CRACDL: variants seen among roughly 807,000 people sequenced by gnomAD.
The protein encoded by CRACDL is CRACD-like protein.
In CRACDL, 26 loss-of-function variants were observed where a neutral mutation model predicts 70.6. The observed-to-expected ratio is 0.37, with a 90% CI of 0.27 to 0.51. The LOEUF is 0.51. Ranked by LOEUF, CRACDL falls within the 20% of genes least tolerant of loss-of-function variation. The pLI, the probability that CRACDL is intolerant of heterozygous loss-of-function variation, is 0.94. For missense variants in CRACDL, 1,283 were observed against 1,376.9 expected, an observed-to-expected ratio of 0.93 and a Z score of 1.08; for synonymous variants, 618 against 615.2, an observed-to-expected ratio of 1.00 and a Z score of -0.07.
chr2:98,881,274 G>T (rs1258290870), intron 1 of CRACDL, among the ~76,000 whole-genome samples: 1 of 152,162 alleles, frequency 6.6e-6, no homozygotes, highest in East Asian at 1.9e-4. Context: ...GCAGCCTGGG[G>T]CCCAGCGGCC....
rs577038745 is a variant in CRACDL at position 98,843,064 on chromosome 2, T to C, written c.70+3667A>G. Among the ~76,000 whole-genome samples the C allele has an allele frequency of 1.5e-4, 23 of 152,254 alleles. 1 individual carries two copies. In the South Asian group the frequency reaches 4.8e-3, roughly 32 times the overall value. ...TTCAATGCATCCTTATCAGCTCCTG[T>C]TGTTATGGTGGTTTTCTCCAGACGT... On this transcript the variant is annotated intron_variant, in intron 2 of 9. Coordinates refer to ENST00000397899, the MANE Select transcript of CRACDL (RefSeq NM_207362.3).
At chr2:98,898,824 A>G (rs770447963) in intron 1 of CRACDL, among the ~76,000 whole-genome samples, 7 of 152,260 alleles carry the variant, frequency 4.6e-5, no homozygotes, top group Non-Finnish European at 7.3e-5. Context: ...TCTCATGCCT[A>G]GAATAGCAAG....
intron 5 of CRACDL, among the ~76,000 whole-genome samples, chr2:98,830,347 G>A (rs1034041062): frequency 6.6e-6 from 1 of 152,106 alleles, no homozygotes; most frequent in Non-Finnish European, 1.5e-5. Flanking sequence ...TAATCTTAAA[G>A]TTTTCTGTCT....
intron 7 of CRACDL, among the ~76,000 whole-genome samples, chr2:98,806,778 C>T (rs1368298464): frequency 6.6e-6 from 1 of 152,226 alleles, no homozygotes; most frequent in African/African-American, 2.4e-5. Flanking sequence ...ATTCTACTTA[C>T]ACTTTGAAAT....
chr2:98,902,875 C>T (rs563743179), intron 1 of CRACDL, among the ~76,000 whole-genome samples: 3 of 152,112 alleles, frequency 2.0e-5, no homozygotes, highest in African/African-American at 7.2e-5. Flanking sequence ...AGAAAACATG[C>T]CCCCACATTT....
chr2:98,931,629 C>A (rs1408770285), intron 1 of CRACDL, among the ~76,000 whole-genome samples: 4 of 152,198 alleles, frequency 2.6e-5, no homozygotes, highest in African/African-American at 9.6e-5. Flanking sequence ...ACACCACAGC[C>A]AGGAGAAGGC....
At chr2:98,828,697 G>A (rs1325500497) in intron 5 of CRACDL, among the ~76,000 whole-genome samples, 2 of 152,206 alleles carry the variant, frequency 1.3e-5, no homozygotes, top group Non-Finnish European at 2.9e-5. Flanking sequence ...ACAAGGAGGA[G>A]ATAATTACTA....
intron 1 of CRACDL, among the ~76,000 whole-genome samples, chr2:98,851,583 G>A (rs1426297395): frequency 6.6e-6 from 1 of 152,042 alleles, no homozygotes; most frequent in Non-Finnish European, 1.5e-5. Context: ...CCATAGCAGG[G>A]TTCTGCCATC....
Position 98,833,032 on chromosome 2 carries a change from C to T in CRACDL, c.240-35G>A, listed in dbSNP as rs769042037. 9.5e-6 allele frequency: 15 copies of T among 1,583,308 alleles called. No homozygotes were observed. In the South Asian group the frequency reaches 1.4e-4, roughly 14 times the overall value. ...AAGAGCCACTGTGAGACTCTGCCCA[C>T]CTCCATCTTACTGACCCCTGGGGGG... On this transcript the variant is annotated intron_variant, in intron 3 of 9. Transcript: ENST00000397899.
chr2:98,922,579 C>T (rs564046621), intron 1 of CRACDL, among the ~76,000 whole-genome samples: 29 of 152,344 alleles, frequency 1.9e-4, no homozygotes, highest in African/African-American at 5.3e-4. Context: ...CCATGAGCAG[C>T]GCAGGATGCC....
chr2:98,874,509 C>T (rs766250143), intron 1 of CRACDL, among the ~76,000 whole-genome samples: 39 of 152,202 alleles, frequency 2.6e-4, no homozygotes, highest in African/African-American at 8.0e-4. Context: ...AGTCTCCCTC[C>T]GCATGCCTGG....
chr2:98,895,332 G>A (rs1573161530), intron 1 of CRACDL, among the ~76,000 whole-genome samples: 1 of 152,306 alleles, frequency 6.6e-6, no homozygotes, highest in South Asian at 2.1e-4. Context: ...TGGGATAGAA[G>A]GATTGGTGGT....
rs147896592 is a variant in CRACDL, at chr2:98,922,107, A to T, written c.-11+13831T>A. ...TCTTTCTTTTCTTTTCTTTTTGAAG[A>T]AGGCATCACAGCTCAGTGTTTATCT... On this transcript the variant is annotated intron_variant, in intron 1 of 9. Coordinates refer to ENST00000397899, the MANE Select transcript of CRACDL (RefSeq NM_207362.3). Among the ~76,000 whole-genome samples, 883 of 152,220 alleles carry T rather than the reference A, an allele frequency of 5.8e-3. 8 individuals carry two copies. The highest frequency in any genetic ancestry group is 7.2e-3 in the Non-Finnish European group (489 of 68,028).
At chr2:98,878,958 A>T (rs1191115981) in intron 1 of CRACDL, among the ~76,000 whole-genome samples, 1 of 152,176 alleles carries the variant, frequency 6.6e-6, no homozygotes, top group Admixed American at 6.5e-5. Flanking sequence ...CAGAAAAATG[A>T]ATGCTATGAC....
At chr2:98,839,696 T>G (rs1418454178) in intron 2 of CRACDL, among the ~76,000 whole-genome samples, 2 of 152,260 alleles carry the variant, frequency 1.3e-5, no homozygotes, top group African/African-American at 4.8e-5. Flanking sequence ...TCGATTTCTT[T>G]AATGGTGACA....
intron 2 of CRACDL, among the ~76,000 whole-genome samples, 173 bp from the exon 3 acceptor site, chr2:98,838,460 T>A (rs1648432011): frequency 6.6e-6 from 1 of 152,210 alleles, no homozygotes; most frequent in African/African-American, 2.4e-5. Context: ...CAGTTTTGCA[T>A]ACCTGAAAAC....
chr2:98,884,699 G>C (rs1707756904), intron 1 of CRACDL, among the ~76,000 whole-genome samples: 1 of 152,214 alleles, frequency 6.6e-6, no homozygotes, highest in Admixed American at 6.5e-5. Flanking sequence ...GGACCCCAGA[G>C]TGTTCCCTCA....
intron 7 of CRACDL, among the ~76,000 whole-genome samples, chr2:98,806,361 A>G (rs1704291963): frequency 6.6e-6 from 1 of 152,246 alleles, no homozygotes; most frequent in African/African-American, 2.4e-5. Flanking sequence ...AGCCATGTGT[A>G]TTGGGGGCAC....
chr2:98,896,815 T>C (rs1258499292), intron 1 of CRACDL, among the ~76,000 whole-genome samples: 1 of 152,160 alleles, frequency 6.6e-6, no homozygotes, highest in African/African-American at 2.4e-5. Context: ...TTTCTGTCTC[T>C]AGCGATAAGT....
Sources: gnomAD v4.1 joint callset for allele counts (sites outside exome capture counted in the v4.1 genomes callset) on GRCh38, gnomAD v4.1.1 for gene constraint, MANE v1.5 for transcripts, NCBI Gene and HGNC (gene_info 2026-07-23, HGNC 2026-07-21) for gene names.